CHD1L: variants seen among roughly 807,000 people sequenced by gnomAD.
CHD1L encodes the protein ATP-dependent chromatin remodeler CHD1L.
A neutral mutation model predicts 115.9 loss-of-function variants in CHD1L; 118 were observed. That is an observed-to-expected ratio of 1.02 (90% CI 0.88 to 1.19). The LOEUF is 1.19. Ranked by LOEUF, CHD1L falls within the 50% of genes most tolerant of loss-of-function variation. The pLI is 0.00. For missense variants in CHD1L, 1,179 were observed against 1,065.3 expected, an observed-to-expected ratio of 1.11 and a Z score of -1.49; for synonymous variants, 411 against 387.1, an observed-to-expected ratio of 1.06 and a Z score of -0.72.
chr1:147,200,246 G>T, the CHD1L span, among the ~76,000 whole-genome samples: 1 of 152,184 alleles, frequency 6.6e-6, no homozygotes, highest in Non-Finnish European at 1.5e-5. Flanking sequence ...ACCCTTTGAA[G>T]CTATACTGAG....
Position 147,242,692 on chromosome 1 carries a change from T to C in CHD1L, c.-12T>C. ...GCGCTTGGCCGCGCGGGGCGGGGCC[T>C]CTACCGGCCCGATGGAGCGCGCGGG... On this transcript the variant is annotated 5_prime_UTR_variant, in exon 1 of 23. Transcript: ENST00000369258. 1.6e-6 allele frequency: 2 copies of C among 1,263,280 alleles called. No homozygotes were observed. The highest frequency in any genetic ancestry group is 7.6e-5 in the Admixed American group (2 of 26,456). 78.3% of individuals were successfully genotyped at this position (1,263,280 alleles called of 1,614,324 possible). A position where few individuals can be genotyped will look rare whatever the true frequency, so the allele number is the denominator to read the frequency against.
Position 147,263,786 on chromosome 1 carries a change from C to A in CHD1L, c.577-636C>A, listed in dbSNP as rs1295976676. On this transcript the variant is annotated intron_variant, in intron 6 of 22. Transcript: ENST00000369258. The stretch of plus-strand genomic sequence containing the variant: ...TTTTCCATTTGAGATTCTCTGTGAT[C>A]ACCAGAAACATCCAGAAATCTTGAC... 3.3e-5 allele frequency among the ~76,000 whole-genome samples: 5 copies of A among 152,090 alleles called. 1 individual carries two copies. The highest frequency in any genetic ancestry group is 2.6e-4 in the Admixed American group (4 of 15,270).
intron 1 of CHD1L, among the ~76,000 whole-genome samples, chr1:147,251,097 A>G (rs1668268181): frequency 6.6e-6 from 1 of 152,204 alleles, no homozygotes; most frequent in Non-Finnish European, 1.5e-5. Flanking sequence ...GAGTCAATTA[A>G]ACCTCTTTCC....
chr1:147,282,028 T>C (rs1290516629), intron 15 of CHD1L, among the ~76,000 whole-genome samples: 1 of 152,190 alleles, frequency 6.6e-6, no homozygotes, highest in Non-Finnish European at 1.5e-5. Flanking sequence ...GGTACCTCTT[T>C]TTCTAAAAAG....
At chr1:147,229,616 T>C in the CHD1L span, among the ~76,000 whole-genome samples, 10 of 152,268 alleles carry the variant, frequency 6.6e-5, no homozygotes, top group African/African-American at 2.4e-4. Context: ...GCCATTTTCA[T>C]GATATTGATT....
the CHD1L span, among the ~76,000 whole-genome samples, chr1:147,199,525 C>T: frequency 6.6e-6 from 1 of 152,182 alleles, no homozygotes; most frequent in Admixed American, 6.5e-5. Flanking sequence ...ATAATGCAGA[C>T]TCTTGCAAAT....
intron 19 of CHD1L, among the ~76,000 whole-genome samples, chr1:147,288,933 T>G (rs1201433137): frequency 6.6e-6 from 1 of 152,040 alleles, no homozygotes; most frequent in Non-Finnish European, 1.5e-5. Flanking sequence ...AGAATAAAAT[T>G]ATTATTGTGG....
At chr1:147,210,636 T>G in the CHD1L span, 1 of 152,288 alleles carries the variant, frequency 6.6e-6, no homozygotes, top group African/African-American at 2.4e-5. Context: ...ATGAAAACGC[T>G]CAGAGCCCTA....
At chr1:147,273,184 T>A (rs12031956) in intron 12 of CHD1L, among the ~76,000 whole-genome samples, 10,578 of 152,052 alleles carry the variant, frequency 0.07, 942 homozygotes, top group African/African-American at 0.2. Flanking sequence ...GCCTAAGAAA[T>A]TTTTCTCAGG....
rs1253751844 is a variant in CHD1L at position 147,293,705 on chromosome 1, C to G, written c.2489C>G (p.Ala830Gly). The change falls in exon 21 of 23, where the codon GCA becomes GGA. Residue 830 changes from alanine (A) to glycine (G), a missense_variant. Physicochemically the swap from Ala to Gly is moderately conservative, Grantham distance 60. Coordinates refer to ENST00000369258, the MANE Select transcript of CHD1L (RefSeq NM_004284.6). The stretch of plus-strand genomic sequence containing the variant: ...GAGGGCCTGAAGAAGATATTTTTAG[C>G]AGCAAAAAAGAAGAAAGGTAAGCTC... ...LEEGLKKIFL[A>G]AKKKKASVHL... 6.2e-7 allele frequency: 1 copy of G among 1,613,302 alleles called. No individual in the cohort carries two copies. Among genetic ancestry groups the G allele is most frequent in the Non-Finnish European group, 8.5e-7 (1 of 1,179,558 alleles).
chr1:147,267,563 T>G, intron 9 of CHD1L, 45 bp downstream of exon 9: 1 of 1,459,936 alleles, frequency 6.8e-7, no homozygotes. Flanking sequence ...TGGTAATGTT[T>G]CTGTGGCCAA....
chr1:147,246,110 T>C (rs1275480238), intron 1 of CHD1L, among the ~76,000 whole-genome samples: 3 of 152,220 alleles, frequency 2.0e-5, no homozygotes, highest in Non-Finnish European at 4.4e-5. Flanking sequence ...ATTTCTATAA[T>C]TTTGTCACTT....
intron 6 of CHD1L, among the ~76,000 whole-genome samples, chr1:147,262,360 T>C (rs1553944728): frequency 6.6e-6 from 1 of 152,136 alleles, no homozygotes; most frequent in Non-Finnish European, 1.5e-5. Flanking sequence ...GCAAAGTATT[T>C]TATACACACA....
chr1:147,236,425 C>A, the CHD1L span, among the ~76,000 whole-genome samples: 2 of 152,202 alleles, frequency 1.3e-5, no homozygotes, highest in Non-Finnish European at 2.9e-5. Context: ...TCTTGTCCTG[C>A]GTCCAAGTAG....
chr1:147,272,143 A>G, intron 11 of CHD1L, 28 bp from the exon 12 acceptor site: 1 of 1,579,670 alleles, frequency 6.3e-7, no homozygotes. Flanking sequence ...AAGGGTTAAG[A>G]TTTCTGTTTT....
chr1:147,226,655 T>C, the CHD1L span, among the ~76,000 whole-genome samples: 1 of 152,288 alleles, frequency 6.6e-6, no homozygotes, highest in Admixed American at 6.5e-5. Flanking sequence ...GGCTCATGCC[T>C]TGGATCCTTG....
At chr1:147,273,835 G>A (rs782382621) in intron 12 of CHD1L, among the ~76,000 whole-genome samples, 2 of 152,132 alleles carry the variant, frequency 1.3e-5, no homozygotes, top group African/African-American at 2.4e-5. Context: ...TTGTAGTTTT[G>A]CAGTATTTTC....
At chr1:147,293,295 A>G (rs782546293) in intron 20 of CHD1L, among the ~76,000 whole-genome samples, 2 of 130,350 alleles carry the variant, frequency 1.5e-5, no homozygotes, top group Non-Finnish European at 3.3e-5. Flanking sequence ...CATGCCTACA[A>G]TTCAGAAAAA....
chr1:147,235,384 T>A, the CHD1L span, among the ~76,000 whole-genome samples: 1 of 152,096 alleles, frequency 6.6e-6, no homozygotes, highest in Non-Finnish European at 1.5e-5. Flanking sequence ...TGTGAAAAAA[T>A]TTTCATTTAA....
Sources: gnomAD v4.1 joint callset for allele counts (sites outside exome capture counted in the v4.1 genomes callset) on GRCh38, gnomAD v4.1.1 for gene constraint, MANE v1.5 for transcripts, NCBI Gene and HGNC (gene_info 2026-07-23, HGNC 2026-07-21) for gene names.